The following SGSM1 variants were observed in gnomAD, a reference collection of about 807,000 sequenced individuals.
SGSM1 encodes small G protein signaling modulator 1, also known as RUN and TBC1 domain containing 2.
A neutral mutation model predicts 133.8 loss-of-function variants in SGSM1; 73 were observed. The observed-to-expected ratio is 0.55, with a 90% CI of 0.45 to 0.66. The LOEUF is 0.66. Among genes scored for constraint, SGSM1 ranks in the 30% least tolerant of loss-of-function variants. SGSM1 has a pLI of 0.00. For missense variants in SGSM1, 1,213 were observed against 1,448.1 expected (o/e 0.84, Z 2.64); for synonymous variants, 563 against 573.0 (o/e 0.98, Z 0.25).
At chr22:24,863,409 C>T (rs961454666) in intron 9 of SGSM1, among the ~76,000 whole-genome samples, 10 of 152,246 alleles carry the variant, frequency 6.6e-5, no homozygotes, top group South Asian at 4.2e-4. Flanking sequence ...CACCCGCCTC[C>T]GCCTCCCAAA....
intron 19 of SGSM1, among the ~76,000 whole-genome samples, chr22:24,900,393 T>TTCTC (rs1403588800): frequency 8.7e-5 from 6 of 69,362 alleles, no homozygotes; most frequent in African/African-American, 3.0e-4. Context: ...CTTTCTTTCT[T>TTCTC]TCTTTCTTTC....
chr22:24,907,911 C>CAAAAA (rs796505229), intron 21 of SGSM1, among the ~76,000 whole-genome samples: 3 of 57,014 alleles, frequency 5.3e-5, no homozygotes, highest in Admixed American at 2.2e-4. Context: ...GACGCCATCT[C>CAAAAA]AAAAAAAAAA....
intron 3 of SGSM1, among the ~76,000 whole-genome samples, chr22:24,845,251 C>G (rs1216779071): frequency 6.6e-6 from 1 of 152,152 alleles, no homozygotes; most frequent in Non-Finnish European, 1.5e-5. Context: ...AGTCTTGCAT[C>G]TGAGGAATGG....
chr22:24,870,649 A>G (rs555868665), intron 12 of SGSM1, among the ~76,000 whole-genome samples: 3 of 152,174 alleles, frequency 2.0e-5, no homozygotes, highest in African/African-American at 7.2e-5. Flanking sequence ...TCCCTGCCTC[A>G]GTATCTCTTT....
chr22:24,921,127 T>G (rs1224260755), intron 24 of SGSM1, among the ~76,000 whole-genome samples: 1 of 151,386 alleles, frequency 6.6e-6, no homozygotes, highest in Admixed American at 6.6e-5. Flanking sequence ...TGAGACGGAG[T>G]CTCACTCTGT....
At chr22:24,844,525 TA>T (rs34233022) in intron 2 of SGSM1, 6,360 of 158,008 alleles carry the variant, frequency 0.04, 320 homozygotes, top group African/African-American at 0.12. Context: ...AAACTCCGTC[TA>T]AAAAAAAAAA....
At chr22:24,896,847 C>T (rs1032085181) in intron 18 of SGSM1, among the ~76,000 whole-genome samples, 1 of 151,534 alleles carries the variant, frequency 6.6e-6, no homozygotes, top group African/African-American at 2.4e-5. Flanking sequence ...CATGGTGGCA[C>T]ATGCCTGTAA....
In SGSM1 at chr22:24,895,248, G is replaced by A. The variant is rs376386572; in HGVS notation, c.1979G>A (p.Arg660His). Residue 660 changes from arginine to histidine, a missense_variant, in exon 18 of 25, where the codon CGC (arginine) becomes CAC (histidine). Transcript: ENST00000400358. ...TCCTCCCAGAGCTGCAGTTCGGGCC[G>A]CCAGAACATCCGCCTGCACAGCGAC... ...NESSQSCSSG[R>H]QNIRLHSDSS... 46 of 1,611,436 alleles carry A rather than the reference G, an allele frequency of 2.9e-5. No individual in the cohort carries two copies. The highest frequency in any genetic ancestry group is 3.3e-4 in the Middle Eastern group (2 of 6,076).
intron 2 of SGSM1, among the ~76,000 whole-genome samples, chr22:24,841,094 CCCGCCTTGG>C (rs1174214037): frequency 6.6e-6 from 1 of 152,200 alleles, no homozygotes; most frequent in Non-Finnish European, 1.5e-5. Context: ...TTGTGATCCG[CCCGCCTTGG>C]CCTCCCAAAG....
chr22:24,806,554 C>T, intron 2 of SGSM1, 70 bp downstream of exon 2: 3 of 1,461,656 alleles, frequency 2.1e-6, no homozygotes, highest in Non-Finnish European at 1.8e-6. Flanking sequence ...AAAGAGTCTT[C>T]GTGGAAGGGT....
intron 2 of SGSM1, among the ~76,000 whole-genome samples, chr22:24,808,853 G>A (rs1927570318): frequency 6.6e-6 from 1 of 152,218 alleles, no homozygotes; most frequent in Non-Finnish European, 1.5e-5. Context: ...ACACAGCCAA[G>A]ATGGGACAGA....
At chr22:24,827,007 G>A (rs1354378128) in intron 2 of SGSM1, among the ~76,000 whole-genome samples, 2 of 152,158 alleles carry the variant, frequency 1.3e-5, no homozygotes, top group South Asian at 2.1e-4. Flanking sequence ...CCTTGATCTG[G>A]CACCGGCTGT....
intron 2 of SGSM1, among the ~76,000 whole-genome samples, chr22:24,816,710 T>A (rs1928105201): frequency 6.6e-6 from 1 of 152,172 alleles, no homozygotes; most frequent in Admixed American, 6.5e-5. Context: ...GTTTGGGAAG[T>A]TCAGGTGCAC....
intron 5 of SGSM1, among the ~76,000 whole-genome samples, chr22:24,851,435 AGG>A (rs150018574): frequency 2.6e-4 from 18 of 70,504 alleles, no homozygotes; most frequent in African/African-American, 9.9e-4. Context: ...GCAGGAAGGG[AGG>A]GGGGGGTGGG....
At position 24,895,100 on chromosome 22, in the gene SGSM1, G is replaced by A. The variant is rs57516527; in HGVS notation, c.1954-123G>A. 2.3e-3 allele frequency: 2,109 copies of A among 905,776 alleles called. 39 individuals are homozygous for A. The East Asian group carries it at 0.048, about 21-fold the overall frequency. 56.1% of individuals were successfully genotyped at this position (905,776 alleles called of 1,614,324 possible). A position where few individuals can be genotyped will look rare whatever the true frequency, so the allele number is the denominator to read the frequency against. ...GCTAGGAAACTGATGCTCTGAGAGA[G>A]GACTTGTGCAAGTTAGGAATAGAGA... On this transcript the variant is annotated intron_variant, in intron 17 of 24. Transcript: ENST00000400358.
At chr22:24,827,001 G>C (rs564721150) in intron 2 of SGSM1, among the ~76,000 whole-genome samples, 75 of 152,250 alleles carry the variant, frequency 4.9e-4, no homozygotes, top group African/African-American at 1.7e-3. Flanking sequence ...TGCCTCCCTT[G>C]ATCTGGCACC....
chr22:24,903,346 C>CTA (rs963700814), intron 20 of SGSM1, among the ~76,000 whole-genome samples: 4 of 151,534 alleles, frequency 2.6e-5, no homozygotes, highest in African/African-American at 7.3e-5. Flanking sequence ...GTAGCTGGGA[C>CTA]TATAGGTGCA....
At chr22:24,835,708 G>A (rs146226008) in intron 2 of SGSM1, among the ~76,000 whole-genome samples, 9 of 152,096 alleles carry the variant, frequency 5.9e-5, no homozygotes, top group Admixed American at 3.9e-4. Context: ...CTCTGCCCAC[G>A]GAGCTGGGCA....
chr22:24,900,305 C>T (rs1179063400), intron 19 of SGSM1, among the ~76,000 whole-genome samples: 1 of 151,832 alleles, frequency 6.6e-6, no homozygotes, highest in Non-Finnish European at 1.5e-5. Flanking sequence ...AGGCATGAAC[C>T]AGTGCACCCC....
Sources: gnomAD v4.1 joint callset for allele counts (sites outside exome capture counted in the v4.1 genomes callset) on GRCh38, gnomAD v4.1.1 for gene constraint, MANE v1.5 for transcripts, NCBI Gene and HGNC (gene_info 2026-07-23, HGNC 2026-07-21) for gene names.